Variants in PARD6G observed in about 807,000 individuals in gnomAD.
PARD6G encodes par-6 family cell polarity regulator gamma, also known as partitioning defective 6 homolog gamma.
Under a neutral mutation model 10.7 loss-of-function variants are expected in PARD6G, and 7 were observed. The ratio of observed to expected loss-of-function variants is 0.66; its 90% CI spans 0.37 to 1.23. The LOEUF (loss-of-function observed/expected upper bound fraction) is 1.23. PARD6G is among the 50% of genes most tolerant of loss of function. The probability of loss-of-function intolerance (pLI) is 0.02; values close to 1 mark genes in which losing one functional copy is unlikely to be tolerated. For synonymous variants in PARD6G, 287 were observed against 269.4 expected (o/e 1.07, Z -0.64); for missense variants, 548 against 571.8 (o/e 0.96, Z 0.42).
In PARD6G at chr18:80,157,664, C is replaced by T. The variant is rs2052664676; in HGVS notation, c.*2107G>A. ...ACATGCCCTTCATCAGAGAGCAAGTCCGGGGGGTGCGGATCCTCACCGGAG... is the reference window on the plus strand; with the variant it reads ...ACATGCCCTTCATCAGAGAGCAAGTTCGGGGGGTGCGGATCCTCACCGGAG... On this transcript the variant is annotated 3_prime_UTR_variant, in exon 3 of 3. Transcript: ENST00000353265. 1 of 152,154 alleles carries T rather than the reference C, an allele frequency of 6.6e-6. No homozygotes were observed. Among genetic ancestry groups the T allele is most frequent in the South Asian group, 2.1e-4 (1 of 4,814 alleles). The allele number at this position is 152,154 out of a possible 1,614,324, so 9.4% of individuals were successfully genotyped here.
At chr18:80,219,815 A>G (rs1967210384) in intron 1 of PARD6G, among the ~76,000 whole-genome samples, 2 of 152,188 alleles carry the variant, frequency 1.3e-5, no homozygotes, top group Admixed American at 6.5e-5. Flanking sequence ...AGGAAGTTCC[A>G]AATTTTCCCA....
At chr18:80,165,478 C>T (rs2052729458) in intron 2 of PARD6G, among the ~76,000 whole-genome samples, 1 of 152,164 alleles carries the variant, frequency 6.6e-6, no homozygotes, top group South Asian at 2.1e-4. Flanking sequence ...ACATGTTTTA[C>T]AATTTGTACA....
intron 1 of PARD6G, among the ~76,000 whole-genome samples, chr18:80,232,330 C>G (rs1458051453): frequency 6.6e-6 from 1 of 152,082 alleles, no homozygotes; most frequent in Non-Finnish European, 1.5e-5. Flanking sequence ...GCCAGGCCTG[C>G]AGTCCTGGGC....
In PARD6G at chr18:80,159,630, T is replaced by G; in HGVS notation, c.*141A>C. 1.6e-6 allele frequency: 2 copies of G among 1,242,730 alleles called. No homozygotes were observed. Among genetic ancestry groups the G allele is most frequent in the Non-Finnish European group, 2.1e-6 (2 of 974,602 alleles). 77.0% of individuals were successfully genotyped at this position (1,242,730 alleles called of 1,614,324 possible). ...TATAAAAATAGGCAATACTTGTGTT[T>G]TTATATCCGGAAGTTGAAACAAAGA... On this transcript the variant is annotated 3_prime_UTR_variant, in exon 3 of 3. Transcript: ENST00000353265.
intron 2 of PARD6G, among the ~76,000 whole-genome samples, chr18:80,163,522 C>T (rs778642769): frequency 9.2e-5 from 14 of 152,210 alleles, no homozygotes; most frequent in Non-Finnish European, 1.3e-4. Flanking sequence ...CCACCCATCC[C>T]GGGAGCCCCA....
intron 2 of PARD6G, among the ~76,000 whole-genome samples, chr18:80,168,573 TTG>T (rs3051500): frequency 0.31 from 44,653 of 144,208 alleles, 7,395 homozygotes; most frequent in Non-Finnish European, 0.4. Context: ...CAAATTATGT[TTG>T]TGTGTGTGTG....
At chr18:80,242,025 T>A (rs559191847) in intron 1 of PARD6G, among the ~76,000 whole-genome samples, 36 of 152,284 alleles carry the variant, frequency 2.4e-4, no homozygotes, top group Admixed American at 4.6e-4. Context: ...TGAAATGCCA[T>A]GGGTCCTAGG....
At position 80,210,276 on chromosome 18, in the gene PARD6G, G is replaced by A. The variant is rs140119760; in HGVS notation, c.73-7344C>T. On this transcript the variant is annotated intron_variant, in intron 1 of 2. Transcript: ENST00000353265. ...GCTTATCCATTAAAGACAGAATACT[G>A]GGAAAAACTGTCAAAACCAACTTTT... 4.6e-5 allele frequency among the ~76,000 whole-genome samples: 7 copies of A among 152,308 alleles called. No individual in the cohort carries two copies. In the East Asian group the frequency reaches 1.2e-3, roughly 25 times the overall value.
chr18:80,213,654 T>C (rs1350971877), intron 1 of PARD6G, among the ~76,000 whole-genome samples: 2 of 152,194 alleles, frequency 1.3e-5, no homozygotes, highest in Non-Finnish European at 2.9e-5. Context: ...GGAAAGGTCC[T>C]ATTCTTTAAA....
chr18:80,171,821 A>C (rs1351446082), intron 2 of PARD6G: 1 of 152,226 alleles, frequency 6.6e-6, no homozygotes, highest in African/African-American at 2.4e-5. Flanking sequence ...TTGTGTTGAT[A>C]TACCACATTT....
At chr18:80,244,767 G>A (rs1412847974) in intron 1 of PARD6G, among the ~76,000 whole-genome samples, 1 of 152,140 alleles carries the variant, frequency 6.6e-6, no homozygotes, top group Non-Finnish European at 1.5e-5. Context: ...ACCAAACCAT[G>A]GTGTTATGGT....
chr18:80,212,894 A>C (rs1056419203), intron 1 of PARD6G, among the ~76,000 whole-genome samples: 5 of 152,012 alleles, frequency 3.3e-5, no homozygotes, highest in African/African-American at 1.2e-4. Flanking sequence ...CAAAAAAAAA[A>C]AATTATCTTG....
Position 80,228,521 on chromosome 18 carries a change from C to T in PARD6G, c.72+18756G>A, listed in dbSNP as rs909760066. On this transcript the variant is annotated intron_variant, in intron 1 of 2. Coordinates refer to ENST00000353265, the MANE Select transcript of PARD6G (RefSeq NM_032510.4). This position sits in a 1 kb window ranked among gnomAD's most constrained non-coding sequence, Gnocchi z 4.6. ...CCCACCCCAGGCTTGCCCCAAGGTG[C>T]GCAGACTGTCTCTCGTCTAAGGTCC... is the stretch of plus-strand genomic sequence containing the variant. Among the ~76,000 whole-genome samples, 11 of 150,380 alleles carry T rather than the reference C, an allele frequency of 7.3e-5. No individual in the cohort carries two copies. In the East Asian group the frequency reaches 1.6e-3, roughly 22 times the overall value.
rs1264559534 is a variant in PARD6G at position 80,161,567 on chromosome 18, G to GA, written c.296-962dup. ...TGAATAATGCATTTTCCTCATGTCA[G>GA]AAAAAAAATCTTGTTTCATTAATTT... On this transcript the variant is annotated intron_variant, in intron 2 of 2. Transcript: ENST00000353265. This position sits in a 1 kb window ranked among gnomAD's most constrained non-coding sequence, Gnocchi z 4.6. Among the ~76,000 whole-genome samples, 4 of 151,784 alleles carry GA rather than the reference G, an allele frequency of 2.6e-5. No homozygotes were observed. The highest frequency in any genetic ancestry group is 3.9e-4 in the East Asian group (2 of 5,178).
intron 1 of PARD6G, among the ~76,000 whole-genome samples, chr18:80,227,723 G>C (rs1267017895): frequency 6.6e-6 from 1 of 152,170 alleles, no homozygotes; most frequent in Admixed American, 6.5e-5. Context: ...GGATTCTCCT[G>C]AGAGTCTGAG....
At chr18:80,213,937 AC>A (rs1483574343) in intron 1 of PARD6G, among the ~76,000 whole-genome samples, 1 of 109,988 alleles carries the variant, frequency 9.1e-6, no homozygotes, top group Non-Finnish European at 1.8e-5. Flanking sequence ...CAAGAGTGAG[AC>A]TCCATCTCAA....
chr18:80,160,376 C>T lies in PARD6G; in HGVS notation c.526G>A (p.Asp176Asn). 1.9e-6 allele frequency: 3 copies of T among 1,609,770 alleles called. No individual in the cohort carries two copies. The highest frequency in any genetic ancestry group is 2.5e-6 in the Non-Finnish European group (3 of 1,178,916). The part of the protein sequence containing the change: ...CEKPLGFYIR[D>N]GASVRVTPHG... Reference sequence around the variant, plus strand: ...GGGGTCACGCGCACGCTGGCGCCATCGCGGATGTAGAAGCCCAGCGGCTTC... The same window carrying T: ...GGGGTCACGCGCACGCTGGCGCCATTGCGGATGTAGAAGCCCAGCGGCTTC... The change falls in exon 3 of 3, where the codon GAT becomes AAT. Residue 176 changes from aspartate (D) to asparagine (N), a missense_variant. By Grantham distance (23) the Asp-to-Asn change is conservative. Coordinates refer to ENST00000353265, the MANE Select transcript of PARD6G (RefSeq NM_032510.4).
rs927797587 is a variant in PARD6G at position 80,246,239 on chromosome 18, G to A, written c.72+1038C>T. The stretch of plus-strand genomic sequence containing the variant: ...GCGAAAGGGCCGCTCAACTCCCAGA[G>A]AGTAGCCAGCGAAAGACTCGAGGGG... On this transcript the variant is annotated intron_variant, in intron 1 of 2. Coordinates refer to ENST00000353265, the MANE Select transcript of PARD6G (RefSeq NM_032510.4). The surrounding 1 kb of genome is among the most constrained non-coding windows in gnomAD (Gnocchi z 6.7). Among the ~76,000 whole-genome samples the A allele has an allele frequency of 6.6e-6, 1 of 152,198 alleles. No individual in the cohort carries two copies. Among genetic ancestry groups the A allele is most frequent in the African/African-American group, 2.4e-5 (1 of 41,450 alleles).
At chr18:80,174,410 C>T (rs1010815928) in intron 2 of PARD6G, among the ~76,000 whole-genome samples, 1 of 152,090 alleles carries the variant, frequency 6.6e-6, no homozygotes, top group African/African-American at 2.4e-5. Flanking sequence ...TCAAGCAATC[C>T]TCTCACCTCA....
Sources: allele counts gnomAD v4.1 joint callset (sites outside exome capture counted in the v4.1 genomes callset), GRCh38; gene constraint gnomAD v4.1.1; non-coding constraint Gnocchi (gnomAD v3.1); transcripts MANE v1.5; gene names NCBI Gene and HGNC (gene_info 2026-07-23, HGNC 2026-07-21).